SYT16: variants seen among roughly 807,000 people sequenced by gnomAD.
SYT16 encodes synaptotagmin-16.
SYT16 carries 42 observed loss-of-function variants against 61.4 expected under a neutral mutation model. The observed-to-expected ratio is 0.68, with a 90% CI of 0.53 to 0.89. SYT16 has a LOEUF of 0.89. SYT16 is among the 40% of genes least tolerant of loss of function. The pLI, the probability that SYT16 is intolerant of heterozygous loss-of-function variation, is 0.00. For missense variants in SYT16, 804 were observed against 807.3 expected, an observed-to-expected ratio of 1.00 and a Z score of 0.05; for synonymous variants, 314 against 302.3, an observed-to-expected ratio of 1.04 and a Z score of -0.40.
chr14:62,107,673 GAA>G lies in SYT16; in HGVS notation c.*6967_*6968del, dbSNP rs1555388267. On this transcript the variant is annotated 3_prime_UTR_variant, in exon 8 of 8. Transcript: ENST00000683842. ...TGTCTCTTTCCCCCTTTGAAAGGCA[GAA>G]GATTTAGGGAAGGTGAAAGTTATTA... 6.6e-6 allele frequency: 1 copy of G among 152,132 alleles called. No homozygotes were observed. Among genetic ancestry groups the G allele is most frequent in the Non-Finnish European group, 1.5e-5 (1 of 68,018 alleles). 9.4% of individuals were successfully genotyped at this position (152,132 alleles called of 1,614,324 possible). A position where few individuals can be genotyped will look rare whatever the true frequency, so the allele number is the denominator to read the frequency against.
chr14:61,997,103 G>T (rs538008863), intron 3 of SYT16, among the ~76,000 whole-genome samples: 6 of 152,126 alleles, frequency 3.9e-5, no homozygotes, highest in Non-Finnish European at 8.8e-5. Context: ...TGCCTATAAA[G>T]ATTTATGCTG....
intron 3 of SYT16, among the ~76,000 whole-genome samples, chr14:62,042,176 T>G (rs757620023): frequency 4.6e-5 from 7 of 151,970 alleles, no homozygotes; most frequent in Admixed American, 6.6e-5. Context: ...TTTCTTTTGC[T>G]TTTTTTTGTG....
At chr14:61,982,541 A>G (rs1386141392) in intron 2 of SYT16, among the ~76,000 whole-genome samples, 2 of 152,106 alleles carry the variant, frequency 1.3e-5, no homozygotes, top group East Asian at 1.9e-4. Flanking sequence ...CCAAGATTCA[A>G]TTATCTCCCA....
rs530571603 is a variant in SYT16, at chr14:61,997,458, A to G, written c.523+916A>G. On this transcript the variant is annotated intron_variant, in intron 3 of 7. Transcript: ENST00000683842. ...CTCATAGTCCCTTCATTCATTTTCC[A>G]TGATTCCTATTAGCTTTGTCTTTTT... is the stretch of plus-strand genomic sequence containing the variant. 2.4e-4 allele frequency among the ~76,000 whole-genome samples: 37 copies of G among 152,194 alleles called. 1 individual carries two copies. The highest frequency in any genetic ancestry group is 8.7e-4 in the African/African-American group (36 of 41,564).
intron 3 of SYT16, among the ~76,000 whole-genome samples, chr14:62,055,357 C>T (rs1035009350): frequency 2.8e-4 from 42 of 152,182 alleles, no homozygotes; most frequent in Non-Finnish European, 1.5e-5. Context: ...CTAGGTGAAT[C>T]TTTTTGCAGT....
chr14:62,097,677 A>G (rs1412817082), intron 7 of SYT16, among the ~76,000 whole-genome samples: 1 of 152,150 alleles, frequency 6.6e-6, no homozygotes, highest in Non-Finnish European at 1.5e-5. Flanking sequence ...TAAGATTATT[A>G]TTATTTCTCT....
intron 1 of SYT16, among the ~76,000 whole-genome samples, chr14:61,960,335 G>T (rs569516396): frequency 1.3e-5 from 2 of 152,072 alleles, no homozygotes; most frequent in African/African-American, 2.4e-5. Flanking sequence ...ACCCATGAGC[G>T]TGGAATGTTT....
chr14:62,066,697 T>C (rs879663839), intron 3 of SYT16, among the ~76,000 whole-genome samples: 15 of 152,194 alleles, frequency 9.9e-5, no homozygotes, highest in Non-Finnish European at 1.9e-4. Flanking sequence ...GGATATAAAA[T>C]GATGAAAAAT....
chr14:61,991,945 TGTTC>T (rs544274143), intron 2 of SYT16, among the ~76,000 whole-genome samples: 1,416 of 124,208 alleles, frequency 0.011, 20 homozygotes, highest in South Asian at 0.041. Context: ...CTAATAACTT[TGTTC>T]GTTCATTCAT....
chr14:61,864,888 A>G (rs1276873995), intron 1 of SYT16: 1 of 1,232,394 alleles, frequency 8.1e-7, no homozygotes. Flanking sequence ...ACAGTGACCA[A>G]CTGCGCGGAT....
At position 61,996,363 on chromosome 14, in the gene SYT16, A is replaced by G. The variant is rs2052769508; in HGVS notation, c.344A>G (p.Asp115Gly). 9 of 1,613,406 alleles carry G rather than the reference A, an allele frequency of 5.6e-6. No homozygotes were observed. The highest frequency in any genetic ancestry group is 2.7e-5 in the African/African-American group (2 of 74,902). Reference sequence around the variant, plus strand: ...CCAAGCCTTAGCCAACATGCAAAGGACTCATGTTCCACAATGTCCCAGTGG... The same window carrying G: ...CCAAGCCTTAGCCAACATGCAAAGGGCTCATGTTCCACAATGTCCCAGTGG... ...SSPSLSQHAK[D>G]SCSTMSQWPN... The change falls in exon 3 of 8, where the codon GAC becomes GGC. Residue 115 changes from aspartate (D) to glycine (G), a missense_variant. Asp to Gly is a moderately conservative substitution (Grantham distance 94). Transcript: ENST00000683842.
intron 1 of SYT16, among the ~76,000 whole-genome samples, chr14:61,876,483 A>G (rs1396684566): frequency 6.6e-6 from 1 of 152,258 alleles, no homozygotes. Context: ...TTGAGAAATT[A>G]TCACTGCCTT....
chr14:62,087,646 T>C (rs1301354686), intron 7 of SYT16, among the ~76,000 whole-genome samples: 1 of 152,194 alleles, frequency 6.6e-6, no homozygotes, highest in African/African-American at 2.4e-5. Flanking sequence ...TCTTTTTGCC[T>C]CAAAATATAT....
rs781569552 is a variant in SYT16, at chr14:61,996,148, C to G, written c.129C>G (p.Ser43Arg). 14 of 1,613,212 alleles carry G rather than the reference C, an allele frequency of 8.7e-6. No individual in the cohort carries two copies. In the Admixed American group the frequency reaches 1.3e-4, roughly 15 times the overall value. ...TATCTGCTTCGCTGGTTAACATAAG[C>G]AAACAAGACTCTAAATTGAGTGACA... ...DMLSASLVNISKQDSKLSDKL... is the reference protein window; with the variant it reads ...DMLSASLVNIRKQDSKLSDKL... The change falls in exon 3 of 8, where the codon AGC (serine) becomes AGG (arginine). Residue 43 changes from serine to arginine, a missense_variant. By Grantham distance (110) the Ser-to-Arg change is moderately radical (BLOSUM62 -1). Transcript: ENST00000683842.
intron 7 of SYT16, among the ~76,000 whole-genome samples, chr14:62,088,765 C>T (rs929569430): frequency 1.4e-4 from 22 of 152,084 alleles, no homozygotes; most frequent in Non-Finnish European, 1.5e-4. Context: ...ATAAAACAAT[C>T]GAAAACTTAA....
At chr14:61,823,593 A>AAAAAAAAAAAT (rs2045683501) in intron 1 of SYT16, among the ~76,000 whole-genome samples, 1 of 151,232 alleles carries the variant, frequency 6.6e-6, no homozygotes, top group African/African-American at 2.4e-5. Flanking sequence ...AAAAAAAAAA[A>AAAAAAAAAAAT]AAAGAAGAAT....
At chr14:61,844,432 G>A (rs1297005001) in intron 1 of SYT16, among the ~76,000 whole-genome samples, 1 of 152,124 alleles carries the variant, frequency 6.6e-6, no homozygotes, top group Non-Finnish European at 1.5e-5. Context: ...TCAAATAACA[G>A]TGGTGAAAGT....
At chr14:61,924,769 G>A (rs914249153) in intron 1 of SYT16, among the ~76,000 whole-genome samples, 8 of 152,112 alleles carry the variant, frequency 5.3e-5, no homozygotes, top group African/African-American at 1.9e-4. Flanking sequence ...AATAGTGTAT[G>A]GATTAAATAA....
chr14:61,889,560 C>A (rs1437089705), intron 1 of SYT16, among the ~76,000 whole-genome samples: 2 of 151,944 alleles, frequency 1.3e-5, no homozygotes, highest in East Asian at 3.9e-4. Context: ...TAAAAAGATC[C>A]TGGTACTTCC....
Sources: gnomAD v4.1 joint callset for allele counts (sites outside exome capture counted in the v4.1 genomes callset) on GRCh38, gnomAD v4.1.1 for gene constraint, MANE v1.5 for transcripts, NCBI Gene and HGNC (gene_info 2026-07-23, HGNC 2026-07-21) for gene names.